RALGPS1: variants seen among roughly 807,000 people sequenced by gnomAD.
RALGPS1 encodes the protein Ral GEF with PH domain and SH3 binding motif 1, also known as ras-specific guanine nucleotide-releasing factor RalGPS1.
A neutral mutation model predicts 78.8 loss-of-function variants in RALGPS1; 19 were observed. The observed-to-expected ratio is 0.24, with a 90% CI of 0.17 to 0.35. The LOEUF (loss-of-function observed/expected upper bound fraction) is 0.35. RALGPS1 is among the 10% of genes least tolerant of loss of function. The pLI, the probability that RALGPS1 is intolerant of heterozygous loss-of-function variation, is 1.00. For synonymous variants in RALGPS1, 228 were observed against 256.3 expected, an observed-to-expected ratio of 0.89 and a Z score of 1.06; for missense variants, 454 against 688.3, an observed-to-expected ratio of 0.66 and a Z score of 3.81.
intron 10 of RALGPS1, among the ~76,000 whole-genome samples, chr9:127,172,759 C>T (rs10819270): frequency 0.17 from 26,510 of 151,948 alleles, 3,094 homozygotes; most frequent in East Asian, 0.45. Context: ...TCTCATTTTT[C>T]GGGTTTTGTT....
In RALGPS1 at chr9:127,212,794, G is replaced by C. The variant is rs1168011778; in HGVS notation, c.1446+75G>C. 4 of 1,524,022 alleles carry C rather than the reference G, an allele frequency of 2.6e-6. No homozygotes were observed. In the East Asian group the frequency reaches 9.4e-5, roughly 36 times the overall value. The allele number at this position is 1,524,022 out of a possible 1,614,324, so 94.4% of individuals were successfully genotyped here. On this transcript the variant is annotated intron_variant, in intron 16 of 18. Coordinates refer to ENST00000259351, the MANE Select transcript of RALGPS1 (RefSeq NM_014636.3). The surrounding 1 kb of genome is among the most constrained non-coding windows in gnomAD (Gnocchi z 6.0). The stretch of plus-strand genomic sequence containing the variant: ...GGGACCTCTGTGAACTGTGGAGGAT[G>C]GGGGTGGGAAAGGGATCTGTGTGAA...
intron 4 of RALGPS1, among the ~76,000 whole-genome samples, chr9:126,981,321 A>G (rs62578948): frequency 0.024 from 3,589 of 152,294 alleles, 45 homozygotes; most frequent in Middle Eastern, 0.054. Context: ...ATGGAGGAGT[A>G]GGGGAGATTT....
chr9:127,093,780 G>A (rs1393939217), intron 8 of RALGPS1: 3 of 1,613,884 alleles, frequency 1.9e-6, no homozygotes, highest in South Asian at 1.1e-5. Context: ...CCATCCAGGC[G>A]TCTCTGGATG....
chr9:127,032,425 A>C (rs1247999599), intron 4 of RALGPS1, among the ~76,000 whole-genome samples: 1 of 152,268 alleles, frequency 6.6e-6, no homozygotes, highest in Non-Finnish European at 1.5e-5. Context: ...AAATTCAGGA[A>C]AAATACAAAG....
At chr9:127,083,611 C>T (rs1042960703) in intron 8 of RALGPS1, among the ~76,000 whole-genome samples, 2 of 152,148 alleles carry the variant, frequency 1.3e-5, no homozygotes, top group Non-Finnish European at 1.5e-5. Flanking sequence ...GGAGATACCT[C>T]GTGTCCTTAT....
intron 11 of RALGPS1, among the ~76,000 whole-genome samples, chr9:127,176,991 C>T (rs747783870): frequency 6.6e-6 from 1 of 152,252 alleles, no homozygotes; most frequent in Non-Finnish European, 1.5e-5. Flanking sequence ...TGCTCCTGCT[C>T]ATCCTGTTGG....
At chr9:127,158,974 A>T (rs2058857522) in intron 8 of RALGPS1, among the ~76,000 whole-genome samples, 1 of 152,130 alleles carries the variant, frequency 6.6e-6, no homozygotes, top group South Asian at 2.1e-4. Context: ...TGTGGGAGGT[A>T]TAATTTCCCC....
chr9:127,106,063 A>T (rs1397488096), intron 8 of RALGPS1, among the ~76,000 whole-genome samples: 1 of 152,216 alleles, frequency 6.6e-6, no homozygotes, highest in East Asian at 1.9e-4. Flanking sequence ...TAGAGCATGG[A>T]TGCAAACCCA....
intron 8 of RALGPS1, among the ~76,000 whole-genome samples, chr9:127,102,223 C>G (rs1438918955): frequency 1.3e-5 from 2 of 151,982 alleles, no homozygotes; most frequent in Non-Finnish European, 2.9e-5. Context: ...ATAGCATAGA[C>G]TGGGTAATTT....
intron 1 of RALGPS1, among the ~76,000 whole-genome samples, chr9:126,932,734 G>A (rs552648605): frequency 6.6e-6 from 1 of 151,970 alleles, no homozygotes; most frequent in African/African-American, 2.4e-5. Context: ...AAACAAAAAT[G>A]TTATAAAAAC....
At chr9:126,939,160 C>G (rs2036529937) in intron 1 of RALGPS1, among the ~76,000 whole-genome samples, 1 of 152,196 alleles carries the variant, frequency 6.6e-6, no homozygotes, top group South Asian at 2.1e-4. Context: ...CTCCCCAGTC[C>G]TGCAGGGTCG....
At chr9:127,058,816 G>A (rs567298852) in intron 7 of RALGPS1, among the ~76,000 whole-genome samples, 14 of 152,268 alleles carry the variant, frequency 9.2e-5, no homozygotes, top group East Asian at 3.9e-4. Context: ...GCACACATAC[G>A]TACATTCTCT....
At chr9:127,163,543 C>T (rs940907224) in intron 8 of RALGPS1, among the ~76,000 whole-genome samples, 4 of 152,128 alleles carry the variant, frequency 2.6e-5, no homozygotes, top group Non-Finnish European at 5.9e-5. Flanking sequence ...AACAGTTTCC[C>T]GTAACAATGT....
intron 14 of RALGPS1, among the ~76,000 whole-genome samples, chr9:127,206,613 A>G (rs770851380): frequency 1.8e-4 from 27 of 152,172 alleles, no homozygotes; most frequent in South Asian, 4.2e-4. Flanking sequence ...CTACAATTCA[A>G]GATGAGATTT....
In RALGPS1 at chr9:127,218,661, T is replaced by C. The variant is rs2062694595; in HGVS notation, c.1645-79T>C. ...TCCCAGACTCACGGGGAAAGGCCTG[T>C]CCCTTCCCCTAGGGACCACCACCCC... is the stretch of plus-strand genomic sequence containing the variant. On this transcript the variant is annotated intron_variant, in intron 18 of 18. Coordinates refer to ENST00000259351, the MANE Select transcript of RALGPS1 (RefSeq NM_014636.3). The surrounding 1 kb of genome is among the most constrained non-coding windows in gnomAD (Gnocchi z 4.4). The C allele has an allele frequency of 4.1e-6, 6 of 1,449,030 alleles. No individual in the cohort carries two copies. The highest frequency in any genetic ancestry group is 5.8e-6 in the Non-Finnish European group (6 of 1,029,648). 89.8% of individuals were successfully genotyped at this position (1,449,030 alleles called of 1,614,324 possible).
Position 127,026,481 on chromosome 9 carries a change from A to G in RALGPS1, c.217-7950A>G, listed in dbSNP as rs115039536. Among the ~76,000 whole-genome samples, 1,206 of 152,268 alleles carry G rather than the reference A, an allele frequency of 7.9e-3. 15 individuals carry two copies. The highest frequency in any genetic ancestry group is 0.028 in the African/African-American group (1,172 of 41,548). On this transcript the variant is annotated intron_variant, in intron 4 of 18. Coordinates refer to ENST00000259351, the MANE Select transcript of RALGPS1 (RefSeq NM_014636.3). ...ATCACAATTGGGTTGTTTGACTTCT[A>G]TTGTTGAGTTGTAACAGTTTATATT...
At chr9:127,087,142 T>C (rs1370479372) in intron 8 of RALGPS1, among the ~76,000 whole-genome samples, 1 of 152,088 alleles carries the variant, frequency 6.6e-6, no homozygotes, top group Non-Finnish European at 1.5e-5. Context: ...GAAGTGGAGC[T>C]CCAGAGAGCC....
intron 11 of RALGPS1, among the ~76,000 whole-genome samples, chr9:127,190,435 C>T (rs569255155): frequency 1.3e-5 from 2 of 152,158 alleles, no homozygotes; most frequent in Non-Finnish European, 2.9e-5. Context: ...GCAGTCCTCC[C>T]ACCTCAGCCT....
chr9:127,188,915 A>T (rs1588454353), intron 11 of RALGPS1, among the ~76,000 whole-genome samples: 1 of 144,282 alleles, frequency 6.9e-6, no homozygotes, highest in South Asian at 2.3e-4. Context: ...CATGAGAATC[A>T]CCTGAATGCA....
Sources: allele counts gnomAD v4.1 joint callset (sites outside exome capture counted in the v4.1 genomes callset), GRCh38; gene constraint gnomAD v4.1.1; non-coding constraint Gnocchi (gnomAD v3.1); transcripts MANE v1.5; gene names NCBI Gene and HGNC (gene_info 2026-07-23, HGNC 2026-07-21).